The following CES5A variants were observed in gnomAD, a reference collection of about 807,000 sequenced individuals.
The protein encoded by CES5A is carboxylesterase 5A.
A neutral mutation model predicts 62.9 loss-of-function variants in CES5A; 67 were observed. The ratio of observed to expected loss-of-function variants is 1.07; its 90% CI spans 0.88 to 1.31. The LOEUF is 1.31. Among genes scored for constraint, CES5A ranks in the 50% most tolerant of loss-of-function variants. The pLI, the probability that CES5A is intolerant of heterozygous loss-of-function variation, is 0.00. For missense variants in CES5A, 748 were observed against 708.5 expected (o/e 1.06, Z -0.63); for synonymous variants, 296 against 280.8 (o/e 1.05, Z -0.54).
At chr16:55,858,041 A>C (rs2033277657) in intron 8 of CES5A, among the ~76,000 whole-genome samples, 1 of 149,420 alleles carries the variant, frequency 6.7e-6, no homozygotes, top group Non-Finnish European at 1.5e-5. Flanking sequence ...CTAAAAATAC[A>C]AAAAAAAATT....
chr16:55,904,475 C>G (rs1413510430), intron 1 of CES5A, among the ~76,000 whole-genome samples: 1 of 152,128 alleles, frequency 6.6e-6, no homozygotes, highest in Non-Finnish European at 1.5e-5. Context: ...CATAAGCCAC[C>G]AACTATAGAT....
At chr16:55,858,635 C>T (rs529966057) in intron 8 of CES5A, among the ~76,000 whole-genome samples, 5 of 152,324 alleles carry the variant, frequency 3.3e-5, no homozygotes, top group Admixed American at 6.5e-5. Flanking sequence ...GAGACTGGTT[C>T]TAGACAGCCA....
At chr16:55,848,649 C>T (rs2033066220) in intron 11 of CES5A, among the ~76,000 whole-genome samples, 1 of 152,130 alleles carries the variant, frequency 6.6e-6, no homozygotes. Context: ...CTGTTTCTAT[C>T]TGTTACCCAG....
At chr16:55,940,930 A>G (rs1395920030) in intron 2 of CES5A, among the ~76,000 whole-genome samples, 3 of 151,838 alleles carry the variant, frequency 2.0e-5, no homozygotes, top group African/African-American at 7.2e-5. Flanking sequence ...CAGAAAATGC[A>G]TTTGACAAAA....
At chr16:55,884,777 A>T (rs1432402566) in intron 1 of CES5A, among the ~76,000 whole-genome samples, 1 of 152,096 alleles carries the variant, frequency 6.6e-6, no homozygotes, top group African/African-American at 2.4e-5. Flanking sequence ...TTTTGTGTAG[A>T]GACAGTGCCT....
At chr16:55,952,955 T>C (rs2034574228) in intron 1 of CES5A, among the ~76,000 whole-genome samples, 1 of 152,070 alleles carries the variant, frequency 6.6e-6, no homozygotes, top group Non-Finnish European at 1.5e-5. Flanking sequence ...AAGGAAAACA[T>C]GGATGAAAGG....
At chr16:55,911,397 A>G (rs74019326) in intron 1 of CES5A, among the ~76,000 whole-genome samples, 10,439 of 152,218 alleles carry the variant, frequency 0.069, 723 homozygotes, top group African/African-American at 0.17. Flanking sequence ...TAAGGACAAG[A>G]AGAAACGATC....
At chr16:55,955,346 TCA>T (rs1202469433) in intron 1 of CES5A, among the ~76,000 whole-genome samples, 8 of 152,206 alleles carry the variant, frequency 5.3e-5, no homozygotes, top group Non-Finnish European at 8.8e-5. Flanking sequence ...CTTTTAAAAA[TCA>T]CACAGTTAAA....
At position 55,871,150 on chromosome 16, in the gene CES5A, G is replaced by A. The variant is rs969482897; in HGVS notation, c.417+475C>T. 2.6e-5 allele frequency among the ~76,000 whole-genome samples: 4 copies of A among 152,222 alleles called. No individual in the cohort carries two copies. The East Asian group carries it at 5.8e-4, about 22-fold the overall frequency. ...AGAGGCATGAGGAAGAGAAGAGGAT[G>A]AGAGGGTGTGGCTAAAACATAGAAC... On this transcript the variant is annotated intron_variant, in intron 3 of 12. Transcript: ENST00000290567.
intron 1 of CES5A, among the ~76,000 whole-genome samples, chr16:55,884,833 C>T (rs1237120680): frequency 6.6e-6 from 1 of 152,132 alleles, no homozygotes; most frequent in Non-Finnish European, 1.5e-5. Flanking sequence ...CTTAAGTGAT[C>T]CGCCCACCTA....
At chr16:55,940,658 C>T (rs2034436090) in intron 2 of CES5A, among the ~76,000 whole-genome samples, 1 of 151,656 alleles carries the variant, frequency 6.6e-6, no homozygotes, top group South Asian at 2.1e-4. Flanking sequence ...GTGAAGGAAA[C>T]ATATACCCAA....
At chr16:55,934,786 A>G (rs897699272) in intron 2 of CES5A, among the ~76,000 whole-genome samples, 1 of 152,158 alleles carries the variant, frequency 6.6e-6, no homozygotes, top group Non-Finnish European at 1.5e-5. Flanking sequence ...CAAGGTCTGC[A>G]GTCAGCAATC....
At chr16:55,886,244 G>A (rs2033814147) in intron 1 of CES5A, among the ~76,000 whole-genome samples, 1 of 152,222 alleles carries the variant, frequency 6.6e-6, no homozygotes, top group African/African-American at 2.4e-5. Flanking sequence ...ACAAAAGTGA[G>A]CTGAGGTAAA....
chr16:55,854,950 G>T (rs541623152), intron 9 of CES5A, among the ~76,000 whole-genome samples: 2 of 152,280 alleles, frequency 1.3e-5, no homozygotes, highest in Non-Finnish European at 2.9e-5. Flanking sequence ...CTCTCCTGCT[G>T]CAGCCAACCC....
At chr16:55,933,107 T>C (rs1296186679) in intron 2 of CES5A, among the ~76,000 whole-genome samples, 3 of 152,144 alleles carry the variant, frequency 2.0e-5, no homozygotes, top group African/African-American at 7.2e-5. Flanking sequence ...GCTCTACCAT[T>C]TGGAATACAT....
At chr16:55,871,582 G>A (rs1487348996) in intron 3 of CES5A, 43 bp downstream of exon 3, 2 of 1,609,398 alleles carry the variant, frequency 1.2e-6, no homozygotes, top group East Asian at 2.2e-5. Context: ...CCAGGCCAAG[G>A]TCCTGCTAGC....
chr16:55,882,265 T>C (rs1297056791), intron 1 of CES5A, among the ~76,000 whole-genome samples: 1 of 152,176 alleles, frequency 6.6e-6, no homozygotes, highest in Non-Finnish European at 1.5e-5. Context: ...CCAGGACTTA[T>C]CTCCTAATGG....
chr16:55,941,217 G>C (rs1167238427), intron 2 of CES5A, among the ~76,000 whole-genome samples: 1 of 151,998 alleles, frequency 6.6e-6, no homozygotes, highest in Non-Finnish European at 1.5e-5. Flanking sequence ...CCTTCTATTT[G>C]TAGATGACAT....
intron 2 of CES5A, among the ~76,000 whole-genome samples, chr16:55,939,180 A>G (rs1417517562): frequency 2.0e-5 from 3 of 152,134 alleles, no homozygotes; most frequent in African/African-American, 7.2e-5. Context: ...TCTGTTTCCT[A>G]CTAGTTCCCA....
Sources: allele counts gnomAD v4.1 joint callset (sites outside exome capture counted in the v4.1 genomes callset), GRCh38; gene constraint gnomAD v4.1.1; transcripts MANE v1.5; gene names NCBI Gene and HGNC (gene_info 2026-07-23, HGNC 2026-07-21).